The following AKAP12 variants were observed in gnomAD, a reference collection of about 807,000 sequenced individuals.
The protein encoded by AKAP12 is A-kinase anchoring protein 12, also known as A-kinase anchor protein 12.
AKAP12 carries 32 observed loss-of-function variants against 79.9 expected under a neutral mutation model. The ratio of observed to expected loss-of-function variants is 0.40; its 90% CI spans 0.30 to 0.54. The LOEUF is 0.54. AKAP12 is among the 20% of genes least tolerant of loss of function. The probability of loss-of-function intolerance (pLI) is 0.48; values close to 1 mark genes in which losing one functional copy is unlikely to be tolerated. For missense variants in AKAP12, 2,074 were observed against 2,177.0 expected, an observed-to-expected ratio of 0.95 and a Z score of 0.94; for synonymous variants, 808 against 857.0, an observed-to-expected ratio of 0.94 and a Z score of 1.00.
intron 2 of AKAP12, among the ~76,000 whole-genome samples, chr6:151,244,417 G>T (rs952656997): frequency 2.0e-5 from 3 of 152,112 alleles, no homozygotes; most frequent in Non-Finnish European, 2.9e-5. Context: ...CCAGCCACTC[G>T]GGAGGCTGGG....
In AKAP12 at chr6:151,349,835, C is replaced by G. The variant is rs202128437; in HGVS notation, c.1444C>G (p.Leu482Val). Residue 482 changes from leucine (L) to valine (V), a missense_variant, in exon 4 of 5, where the codon CTC becomes GTC. This residue lies in a region of AKAP12 where 1,428 missense variants were observed against 1,451.0 expected (regional missense o/e 0.98). Coordinates refer to ENST00000402676, the MANE Select transcript of AKAP12 (RefSeq NM_005100.4). ...SGEDPTQGAD[L>V]SPDEKVLSKP... ...AGAGGACCCTACACAGGGAGCTGAC[C>G]TCAGTCCTGATGAGAAGGTGCTGTC... The G allele has an allele frequency of 1.5e-4, 241 of 1,614,136 alleles. No individual in the cohort carries two copies. Among genetic ancestry groups the G allele is most frequent in the Admixed American group, 3.2e-4 (19 of 60,010 alleles).
chr6:151,338,818 C>T (rs549102855), intron 3 of AKAP12, among the ~76,000 whole-genome samples: 163 of 152,308 alleles, frequency 1.1e-3, no homozygotes, highest in African/African-American at 3.6e-3. Flanking sequence ...GTATTGCACG[C>T]GGTGTCCATC....
At chr6:151,260,387 A>G (rs538719396) in intron 2 of AKAP12, among the ~76,000 whole-genome samples, 1 of 152,278 alleles carries the variant, frequency 6.6e-6, no homozygotes. Context: ...GTATGATGAG[A>G]TCACTGCAGT....
intron 3 of AKAP12, chr6:151,325,730 A>G: frequency 2.0e-6 from 3 of 1,534,842 alleles, no homozygotes; most frequent in Non-Finnish European, 2.6e-6. Context: ...ATCCTCCGGG[A>G]GTGTCTGGGC....
At chr6:151,347,160 C>T (rs1276148208) in intron 3 of AKAP12, among the ~76,000 whole-genome samples, 1 of 152,218 alleles carries the variant, frequency 6.6e-6, no homozygotes, top group East Asian at 1.9e-4. Context: ...GGAGCCCCTT[C>T]AAGCCAGTTC....
chr6:151,251,379 G>A (rs186987158), intron 2 of AKAP12, among the ~76,000 whole-genome samples: 21 of 152,332 alleles, frequency 1.4e-4, no homozygotes, highest in Admixed American at 2.6e-4. Context: ...GTGGTGGGAA[G>A]TGTGACTAGA....
At chr6:151,317,595 G>A (rs1777265386) in intron 3 of AKAP12, among the ~76,000 whole-genome samples, 1 of 152,140 alleles carries the variant, frequency 6.6e-6, no homozygotes, top group Non-Finnish European at 1.5e-5. Context: ...TAAAACATGA[G>A]AACAACTTAG....
rs539708849 is a variant in AKAP12, at chr6:151,262,418, A to G, written c.162+21694A>G. Among the ~76,000 whole-genome samples, 4 of 152,328 alleles carry G rather than the reference A, an allele frequency of 2.6e-5. No homozygotes were observed. The East Asian group carries it at 7.7e-4, about 29-fold the overall frequency. On this transcript the variant is annotated intron_variant, in intron 2 of 4. Transcript: ENST00000402676. Reference sequence around the variant, plus strand: ...CATGGCCTCAGATAAATGTCTACATAATGCAGTCAACTTTCCCACACCTTG... The same window carrying G: ...CATGGCCTCAGATAAATGTCTACATGATGCAGTCAACTTTCCCACACCTTG...
chr6:151,344,040 A>G, intron 3 of AKAP12: 1 of 370,694 alleles, frequency 2.7e-6, no homozygotes, highest in Admixed American at 3.6e-5. Flanking sequence ...GTTTAATATG[A>G]GTGTTTAATT....
chr6:151,350,485 T>G lies in AKAP12; in HGVS notation c.2094T>G (p.Ser698=). The G allele has an allele frequency of 6.2e-7, 1 of 1,614,048 alleles. No individual in the cohort carries two copies. The highest frequency in any genetic ancestry group is 8.5e-7 in the Non-Finnish European group (1 of 1,180,022). ...SKKRARRGSS[S]DEEGGPKAMG... ...AAAGAGCAAGGAGAGGGTCCTCTTC[T>G]GATGAGGAAGGGGGACCAAAAGCAA... The change falls in exon 4 of 5, where the codon TCT becomes TCG. Residue 698 remains serine, a synonymous_variant. Coordinates refer to ENST00000402676, the MANE Select transcript of AKAP12 (RefSeq NM_005100.4). The surrounding 1 kb of genome is among the most constrained non-coding windows in gnomAD (Gnocchi z 4.8).
intron 2 of AKAP12, among the ~76,000 whole-genome samples, chr6:151,287,229 A>G (rs983110607): frequency 2.0e-5 from 3 of 151,246 alleles, no homozygotes; most frequent in Non-Finnish European, 2.9e-5. Flanking sequence ...GTGAACCACC[A>G]CGCCCGGTCT....
chr6:151,272,814 A>G (rs1292482728), intron 2 of AKAP12, among the ~76,000 whole-genome samples: 1 of 151,336 alleles, frequency 6.6e-6, no homozygotes, highest in Non-Finnish European at 1.5e-5. Context: ...TTACAGGTGT[A>G]AGGCACCGCA....
At chr6:151,299,264 G>A (rs149634788) in intron 2 of AKAP12, among the ~76,000 whole-genome samples, 10 of 152,320 alleles carry the variant, frequency 6.6e-5, no homozygotes, top group Non-Finnish European at 1.2e-4. Context: ...TGGCCTAGAT[G>A]ATCTTAAAAG....
intron 3 of AKAP12, among the ~76,000 whole-genome samples, chr6:151,330,451 G>T (rs1777639503): frequency 6.6e-6 from 1 of 152,176 alleles, no homozygotes; most frequent in Non-Finnish European, 1.5e-5. Context: ...ATAAGGGATG[G>T]ACTTAGAATG....
At chr6:151,283,814 C>T (rs368564015) in intron 2 of AKAP12, among the ~76,000 whole-genome samples, 13 of 152,264 alleles carry the variant, frequency 8.5e-5, no homozygotes, top group African/African-American at 2.2e-4. Flanking sequence ...ACCTCAAATC[C>T]GGGAGTCATT....
intron 2 of AKAP12, among the ~76,000 whole-genome samples, chr6:151,244,441 G>A (rs1403880061): frequency 6.6e-6 from 1 of 152,138 alleles, no homozygotes; most frequent in Middle Eastern, 3.2e-3. Flanking sequence ...GGAGAATGGC[G>A]TGAACTCGGG....
At chr6:151,280,225 G>C (rs1017241044) in intron 2 of AKAP12, among the ~76,000 whole-genome samples, 2 of 151,876 alleles carry the variant, frequency 1.3e-5, no homozygotes, top group Non-Finnish European at 2.9e-5. Flanking sequence ...TGACATTTAA[G>C]TTGATTCTGA....
At position 151,348,709 on chromosome 6, in the gene AKAP12, A is replaced by T; in HGVS notation, c.320-2A>T. 1.5e-6 allele frequency: 1 copy of T among 682,262 alleles called. No individual in the cohort carries two copies. Among genetic ancestry groups the T allele is most frequent in the Non-Finnish European group, 2.2e-6 (1 of 455,216 alleles). The allele number at this position is 682,262 out of a possible 1,614,324, so 42.3% of individuals were successfully genotyped here. A position where few individuals can be genotyped will look rare whatever the true frequency, so the allele number is the denominator to read the frequency against. On this transcript the variant is annotated splice_acceptor_variant, in intron 3 of 4. Transcript: ENST00000402676. LOFTEE classifies it high-confidence loss of function. ...CACCCCCCCGCCCCTTTTTGTTAAT[A>T]GTTGGACAGAGAGACTCTGAAGATG...
At chr6:151,294,718 A>C (rs931373214) in intron 2 of AKAP12, among the ~76,000 whole-genome samples, 3 of 152,184 alleles carry the variant, frequency 2.0e-5, no homozygotes, top group Admixed American at 1.3e-4. Flanking sequence ...CCAGATTTAG[A>C]GTGCTTTGTT....
Sources: gnomAD v4.1 joint callset for allele counts (sites outside exome capture counted in the v4.1 genomes callset) on GRCh38, gnomAD v4.1.1 for gene constraint, gnomAD v4.1.1 regional missense constraint, Gnocchi (gnomAD v3.1) non-coding constraint, MANE v1.5 for transcripts, NCBI Gene and HGNC (gene_info 2026-07-23, HGNC 2026-07-21) for gene names.